CRPPA: variants seen among roughly 807,000 people sequenced by gnomAD.
CRPPA encodes the protein CDP-L-ribitol pyrophosphorylase A, also known as D-ribitol-5-phosphate cytidylyltransferase.
A neutral mutation model predicts 52.0 loss-of-function variants in CRPPA; 43 were observed. The ratio of observed to expected loss-of-function variants is 0.83; its 90% CI spans 0.65 to 1.07. The LOEUF is 1.07. Among genes scored for constraint, CRPPA ranks in the 50% least tolerant of loss-of-function variants. CRPPA has a pLI of 0.00. For synonymous variants in CRPPA, 250 were observed against 203.5 expected, an observed-to-expected ratio of 1.23 and a Z score of -1.94; for missense variants, 629 against 551.7, an observed-to-expected ratio of 1.14 and a Z score of -1.40.
chr7:16,221,816 G>A (rs1782517532), intron 8 of CRPPA, among the ~76,000 whole-genome samples: 1 of 149,782 alleles, frequency 6.7e-6, no homozygotes, highest in Non-Finnish European at 1.5e-5. Flanking sequence ...GAGAGGATGT[G>A]GAGAAATAGG....
At chr7:16,341,159 T>C (rs368316596) in intron 3 of CRPPA, among the ~76,000 whole-genome samples, 16 of 152,196 alleles carry the variant, frequency 1.1e-4, no homozygotes, top group Middle Eastern at 3.4e-3. Flanking sequence ...AATATTATAA[T>C]GGTAGATACA....
chr7:16,154,043 C>T (rs1472395516), intron 9 of CRPPA, among the ~76,000 whole-genome samples: 1 of 150,006 alleles, frequency 6.7e-6, no homozygotes, highest in East Asian at 1.9e-4. Context: ...TTGTGGCTCT[C>T]AGGTCATCTC....
intron 3 of CRPPA, among the ~76,000 whole-genome samples, chr7:16,368,254 C>A (rs986143850): frequency 2.6e-5 from 4 of 152,160 alleles, no homozygotes; most frequent in African/African-American, 9.7e-5. Context: ...TCCTGAAGAT[C>A]GCATAGTTTC....
intron 9 of CRPPA, among the ~76,000 whole-genome samples, chr7:16,175,952 T>C (rs1314345737): frequency 6.6e-6 from 1 of 151,854 alleles, no homozygotes; most frequent in Non-Finnish European, 1.5e-5. Context: ...TATTTAGGAG[T>C]CATGAATATC....
rs755183657 is a variant in CRPPA, at chr7:16,406,131, T to A, written c.464A>T (p.His155Leu). ...KLSKPEVVII[H>L]DAVRPFVEEG... ...CTCAACAAATGGTCTCACAGCATCA[T>A]GGATAATCACTACTTCTGGCTTAGA... The change falls in exon 2 of 10, where the codon CAT becomes CTT. Residue 155 changes from histidine to leucine, a missense_variant. Transcript: ENST00000407010. 6.2e-6 allele frequency: 10 copies of A among 1,613,882 alleles called. No individual in the cohort carries two copies. In the South Asian group the frequency reaches 1.1e-4, roughly 18 times the overall value.
chr7:16,214,590 C>T (rs933918165), intron 9 of CRPPA, among the ~76,000 whole-genome samples: 3 of 152,074 alleles, frequency 2.0e-5, no homozygotes, highest in Admixed American at 6.5e-5. Context: ...CCTCCGCCTC[C>T]GCCTCCCAGA....
Position 16,219,713 on chromosome 7 carries a change from G to C in CRPPA, c.1120-3516C>G, listed in dbSNP as rs879763016. ...TCTAGAAGAAATGGATAAATTCCTCGACACATACACTCTCCCAAGACTAAA... is the reference window on the plus strand; with the variant it reads ...TCTAGAAGAAATGGATAAATTCCTCCACACATACACTCTCCCAAGACTAAA... On this transcript the variant is annotated intron_variant, in intron 8 of 9. Coordinates refer to ENST00000407010, the MANE Select transcript of CRPPA (RefSeq NM_001101426.4). Among the ~76,000 whole-genome samples, 591 of 116,940 alleles carry C rather than the reference G, an allele frequency of 5.1e-3. 12 individuals are homozygous for C. The highest frequency in any genetic ancestry group is 8.5e-3 in the Non-Finnish European group (451 of 52,838). 76.7% of individuals were successfully genotyped at this position (116,940 alleles called of 152,430 possible). A position where few individuals can be genotyped will look rare whatever the true frequency, so the allele number is the denominator to read the frequency against.
intron 8 of CRPPA, among the ~76,000 whole-genome samples, chr7:16,228,500 T>G (rs1782708970): frequency 6.6e-6 from 1 of 151,932 alleles, no homozygotes; most frequent in African/African-American, 2.4e-5. Flanking sequence ...TATGTTAGGT[T>G]TCCATTTGTT....
intron 3 of CRPPA, among the ~76,000 whole-genome samples, chr7:16,330,115 C>T (rs1785513329): frequency 6.6e-6 from 1 of 152,196 alleles, no homozygotes. Flanking sequence ...TTACATAGCA[C>T]ACACGTTAAC....
chr7:16,301,405 A>G lies in CRPPA; in HGVS notation c.835+16T>C, dbSNP rs948597874. On this transcript the variant is annotated intron_variant, in intron 5 of 9. Coordinates refer to ENST00000407010, the MANE Select transcript of CRPPA (RefSeq NM_001101426.4). Reference sequence around the variant, plus strand: ...TTTTGAAACACAGGAACTGACAGTCATAAGGCCAAACATACCCTTAATAAT... The same window carrying G: ...TTTTGAAACACAGGAACTGACAGTCGTAAGGCCAAACATACCCTTAATAAT... The G allele has an allele frequency of 6.2e-7, 1 of 1,607,440 alleles. No individual in the cohort carries two copies. The highest frequency in any genetic ancestry group is 8.5e-7 in the Non-Finnish European group (1 of 1,174,754).
intron 9 of CRPPA, among the ~76,000 whole-genome samples, chr7:16,202,728 T>C (rs1282291204): frequency 6.6e-6 from 1 of 152,180 alleles, no homozygotes; most frequent in Non-Finnish European, 1.5e-5. Context: ...AAGACACGAA[T>C]GTGATAAAGG....
intron 2 of CRPPA, among the ~76,000 whole-genome samples, chr7:16,404,132 T>C (rs10273509): frequency 6.6e-6 from 1 of 152,094 alleles, no homozygotes; most frequent in Non-Finnish European, 1.5e-5. Context: ...AAACTCATGA[T>C]TTTACCCTTT....
intron 2 of CRPPA, among the ~76,000 whole-genome samples, chr7:16,396,358 C>A (rs1408550285): frequency 1.3e-5 from 2 of 152,004 alleles, no homozygotes; most frequent in Non-Finnish European, 2.9e-5. Flanking sequence ...AAATCAAAAC[C>A]ACAATATGGT....
chr7:16,407,264 C>T (rs995833238), intron 1 of CRPPA, among the ~76,000 whole-genome samples: 64 of 152,158 alleles, frequency 4.2e-4, no homozygotes, highest in African/African-American at 1.5e-3. Flanking sequence ...AGGCATGAGC[C>T]ACCAAGCCCA....
intron 3 of CRPPA, among the ~76,000 whole-genome samples, chr7:16,360,119 T>C (rs954373676): frequency 5.3e-5 from 8 of 152,238 alleles, no homozygotes; most frequent in African/African-American, 1.9e-4. Flanking sequence ...TAAGACATGA[T>C]TCCTACGGAA....
intron 3 of CRPPA, among the ~76,000 whole-genome samples, chr7:16,371,227 G>A (rs926347222): frequency 1.3e-5 from 2 of 152,078 alleles, no homozygotes; most frequent in African/African-American, 2.4e-5. Flanking sequence ...CCTACCAAAG[G>A]ATACCTCCCT....
At chr7:16,342,820 C>A (rs71530636) in intron 3 of CRPPA, among the ~76,000 whole-genome samples, 2 of 86,720 alleles carry the variant, frequency 2.3e-5, no homozygotes, top group Admixed American at 1.2e-4. Flanking sequence ...TATAGATATA[C>A]ATATATAGAT....
chr7:16,257,294 T>G (rs1223811460), intron 8 of CRPPA, among the ~76,000 whole-genome samples: 1 of 152,084 alleles, frequency 6.6e-6, no homozygotes, highest in African/African-American at 2.4e-5. Context: ...CAAGTAAATG[T>G]GGAGAGAGGA....
At chr7:16,241,946 CTTTTTT>C (rs71549979) in intron 8 of CRPPA, among the ~76,000 whole-genome samples, 6 of 55,378 alleles carry the variant, frequency 1.1e-4, no homozygotes, top group African/African-American at 3.2e-4. Context: ...AAAATCTATT[CTTTTTT>C]TTTTTTTTTT....
Sources: allele counts gnomAD v4.1 joint callset (sites outside exome capture counted in the v4.1 genomes callset), GRCh38; gene constraint gnomAD v4.1.1; transcripts MANE v1.5; gene names NCBI Gene and HGNC (gene_info 2026-07-23, HGNC 2026-07-21).